Variants in TMEM135 observed in about 807,000 individuals in gnomAD.
TMEM135 encodes the protein transmembrane protein 135.
Under a neutral mutation model 60.3 loss-of-function variants are expected in TMEM135, and 30 were observed. The ratio of observed to expected loss-of-function variants is 0.50; its 90% CI spans 0.37 to 0.68. The LOEUF (loss-of-function observed/expected upper bound fraction) is 0.68. Among genes scored for constraint, TMEM135 ranks in the 30% least tolerant of loss-of-function variants. The pLI, the probability that TMEM135 is intolerant of heterozygous loss-of-function variation, is 0.00. For missense variants in TMEM135, 468 were observed against 548.8 expected (o/e 0.85, Z 1.47); for synonymous variants, 190 against 186.7 (o/e 1.02, Z -0.14).
intron 5 of TMEM135, among the ~76,000 whole-genome samples, chr11:87,161,695 T>C (rs1565467346): frequency 6.6e-6 from 1 of 152,200 alleles, no homozygotes; most frequent in Non-Finnish European, 1.5e-5. Flanking sequence ...AAGTGACTTC[T>C]GTAGCCAGTG....
chr11:87,318,803 A>G (rs907791765), intron 13 of TMEM135, among the ~76,000 whole-genome samples: 2 of 152,088 alleles, frequency 1.3e-5, no homozygotes, highest in South Asian at 4.1e-4. Flanking sequence ...ATGAAGTATC[A>G]ATATCTCAGT....
chr11:87,252,860 G>A (rs889243642), intron 6 of TMEM135, among the ~76,000 whole-genome samples: 1 of 149,956 alleles, frequency 6.7e-6, no homozygotes, highest in Non-Finnish European at 1.5e-5. Flanking sequence ...CAAACATGAA[G>A]CCATTATTCC....
intron 5 of TMEM135, among the ~76,000 whole-genome samples, chr11:87,220,440 G>A (rs1940593176): frequency 1.3e-5 from 2 of 152,190 alleles, no homozygotes; most frequent in African/African-American, 2.4e-5. Context: ...TTTGAAGACT[G>A]AGAAGGCCAG....
chr11:87,067,848 C>T, intron 2 of TMEM135, 27 bp downstream of exon 2: 1 of 1,611,622 alleles, frequency 6.2e-7, no homozygotes, highest in Non-Finnish European at 8.5e-7. Flanking sequence ...ACCATAGATA[C>T]TAATATAGGT....
At chr11:87,268,691 A>C (rs574215471) in intron 6 of TMEM135, among the ~76,000 whole-genome samples, 1 of 152,118 alleles carries the variant, frequency 6.6e-6, no homozygotes, top group East Asian at 1.9e-4. Context: ...TTTTGGCTGC[A>C]CAATTAGTAA....
chr11:87,318,319 G>C, intron 13 of TMEM135, 84 bp downstream of exon 13: 1 of 1,007,722 alleles, frequency 9.9e-7, no homozygotes, highest in Admixed American at 1.7e-5. Flanking sequence ...ACAAACTCTG[G>C]GAACATTTCT....
intron 4 of TMEM135, among the ~76,000 whole-genome samples, chr11:87,147,121 A>G (rs1482040004): frequency 6.6e-6 from 1 of 152,276 alleles, no homozygotes; most frequent in East Asian, 1.9e-4. Context: ...CAGGAGTTCA[A>G]GGCCAGCCTG....
At chr11:87,040,240 T>C (rs1285768696) in intron 1 of TMEM135, among the ~76,000 whole-genome samples, 2 of 152,244 alleles carry the variant, frequency 1.3e-5, no homozygotes, top group African/African-American at 4.8e-5. Context: ...CAGTTATCCA[T>C]GTAGGTATGG....
chr11:87,310,150 T>G (rs1028952784), intron 10 of TMEM135, among the ~76,000 whole-genome samples: 1 of 151,552 alleles, frequency 6.6e-6, no homozygotes, highest in Non-Finnish European at 1.5e-5. Flanking sequence ...AGGTCCCTTC[T>G]TCCACCCACT....
At chr11:87,065,291 C>A (rs920003709) in intron 1 of TMEM135, among the ~76,000 whole-genome samples, 1 of 152,194 alleles carries the variant, frequency 6.6e-6, no homozygotes, top group African/African-American at 2.4e-5. Flanking sequence ...AATTGCTATA[C>A]CATTTCATAT....
chr11:87,057,459 G>T (rs1439322578), intron 1 of TMEM135, among the ~76,000 whole-genome samples: 2 of 152,002 alleles, frequency 1.3e-5, no homozygotes, highest in Non-Finnish European at 2.9e-5. Context: ...TATCTGTTGG[G>T]GGCAGCATGG....
chr11:87,266,869 A>G (rs1030521991), intron 6 of TMEM135, among the ~76,000 whole-genome samples: 12 of 152,140 alleles, frequency 7.9e-5, no homozygotes. Flanking sequence ...GATCCCTTTG[A>G]GTGTGGTGAT....
At chr11:87,215,347 A>T (rs1022787816) in intron 5 of TMEM135, among the ~76,000 whole-genome samples, 1 of 152,198 alleles carries the variant, frequency 6.6e-6, no homozygotes, top group African/African-American at 2.4e-5. Context: ...TTATTTGCTC[A>T]TGATTCTGTG....
chr11:87,304,262 G>A (rs1305422987), intron 8 of TMEM135, among the ~76,000 whole-genome samples: 1 of 152,082 alleles, frequency 6.6e-6, no homozygotes, highest in South Asian at 2.1e-4. Flanking sequence ...TCCTAGCTAC[G>A]CAGGAGGCTG....
chr11:87,323,285 A>G lies in TMEM135; in HGVS notation c.*1952A>G, dbSNP rs76695320. On this transcript the variant is annotated 3_prime_UTR_variant, in exon 15 of 15. Coordinates refer to ENST00000305494, the MANE Select transcript of TMEM135 (RefSeq NM_022918.4). ...TAAAATGTAAAATGAAATAGCTATC[A>G]TGAAGCAGAATACAATGATGAATGT... The G allele has an allele frequency of 0.014, 6,414 of 453,874 alleles. 128 individuals carry two copies. The highest frequency in any genetic ancestry group is 0.057 in the East Asian group (823 of 14,388). 28.1% of individuals were successfully genotyped at this position (453,874 alleles called of 1,614,324 possible). A position where few individuals can be genotyped will look rare whatever the true frequency, so the allele number is the denominator to read the frequency against.
chr11:87,079,110 A>G lies in TMEM135; in HGVS notation c.362+7495A>G, dbSNP rs139915671. On this transcript the variant is annotated intron_variant, in intron 3 of 14. Transcript: ENST00000305494. ...AACCTCCACCTGCCTGGTTCAAGCA[A>G]TTCTTCTGCCTCAGCCTCCCAGGTA... Among the ~76,000 whole-genome samples the G allele has an allele frequency of 3.0e-3, 454 of 152,132 alleles. 2 individuals carry two copies. Among genetic ancestry groups the G allele is most frequent in the African/African-American group, 0.011 (442 of 41,496 alleles).
chr11:87,229,747 T>A (rs988194050), intron 5 of TMEM135, among the ~76,000 whole-genome samples: 1 of 152,158 alleles, frequency 6.6e-6, no homozygotes, highest in Non-Finnish European at 1.5e-5. Flanking sequence ...TTGAAAAGTA[T>A]ATGTCTTTAA....
chr11:87,169,781 G>C (rs1031488914), intron 5 of TMEM135, among the ~76,000 whole-genome samples: 2 of 152,050 alleles, frequency 1.3e-5, no homozygotes, highest in Non-Finnish European at 2.9e-5. Context: ...TATGTATCTT[G>C]GGGTTGCTCT....
intron 4 of TMEM135, among the ~76,000 whole-genome samples, chr11:87,122,431 G>GTTTTAA (rs1937616891): frequency 1.1e-5 from 1 of 88,194 alleles, no homozygotes; most frequent in African/African-American, 7.7e-5. Flanking sequence ...TTATCATTTA[G>GTTTTAA]TTTTTATATT....
Sources: allele counts gnomAD v4.1 joint callset (sites outside exome capture counted in the v4.1 genomes callset), GRCh38; gene constraint gnomAD v4.1.1; transcripts MANE v1.5; gene names NCBI Gene and HGNC (gene_info 2026-07-23, HGNC 2026-07-21).